NTRK2: variants seen among roughly 807,000 people sequenced by gnomAD.
NTRK2 encodes the protein BDNF/NT-3 growth factors receptor.
A neutral mutation model predicts 94.5 loss-of-function variants in NTRK2; 13 were observed. The observed-to-expected ratio is 0.14, with a 90% CI of 0.09 to 0.22. The LOEUF (loss-of-function observed/expected upper bound fraction) is 0.22, where lower values mean the gene tolerates loss of function less well. Ranked by LOEUF, NTRK2 falls within the 10% of genes least tolerant of loss-of-function variation. The pLI is 1.00. For missense variants in NTRK2, 639 were observed against 1,071.2 expected (o/e 0.60, Z 5.63); for synonymous variants, 372 against 407.4 (o/e 0.91, Z 1.05).
intron 9 of NTRK2, among the ~76,000 whole-genome samples, chr9:84,729,160 C>G (rs998359232): frequency 6.6e-6 from 1 of 152,184 alleles, no homozygotes; most frequent in Non-Finnish European, 1.5e-5. Flanking sequence ...AAACAATAAA[C>G]AAGAATGCAG....
intron 14 of NTRK2, among the ~76,000 whole-genome samples, chr9:84,905,237 C>T (rs2077036401): frequency 6.6e-6 from 1 of 151,824 alleles, no homozygotes; most frequent in Non-Finnish European, 1.5e-5. Context: ...CAAGGTGACA[C>T]TGTTACCCCA....
intron 14 of NTRK2, among the ~76,000 whole-genome samples, chr9:84,894,835 C>T (rs527592505): frequency 1.3e-5 from 2 of 152,146 alleles, no homozygotes; most frequent in Non-Finnish European, 2.9e-5. Context: ...TAAGCCTTTT[C>T]CTCTAATTAG....
intron 12 of NTRK2, among the ~76,000 whole-genome samples, chr9:84,857,232 A>C (rs1197280352): frequency 6.6e-6 from 1 of 152,128 alleles, no homozygotes; most frequent in African/African-American, 2.4e-5. Context: ...CTTCAACATG[A>C]GATGGATTTA....
At chr9:84,678,066 T>G (rs561019708) in intron 2 of NTRK2, among the ~76,000 whole-genome samples, 1 of 152,268 alleles carries the variant, frequency 6.6e-6, no homozygotes, top group South Asian at 2.1e-4. Flanking sequence ...CACACCATAA[T>G]GTTGTATGTG....
intron 14 of NTRK2, chr9:84,875,492 T>C (rs2076028759): frequency 9.4e-7 from 1 of 1,063,250 alleles, no homozygotes; most frequent in African/African-American, 1.6e-5. Context: ...AAATGCAGTT[T>C]ATTGCTCAAC....
chr9:84,715,467 C>T (rs1311118023), intron 6 of NTRK2, among the ~76,000 whole-genome samples: 2 of 152,144 alleles, frequency 1.3e-5, no homozygotes, highest in Non-Finnish European at 2.9e-5. Flanking sequence ...TAACAGTCCC[C>T]TCCTGCTGTG....
chr9:85,018,685 C>T (rs1356216761), intron 17 of NTRK2, among the ~76,000 whole-genome samples: 1 of 152,202 alleles, frequency 6.6e-6, no homozygotes, highest in Non-Finnish European at 1.5e-5. Context: ...ATATTTACTA[C>T]CCACATCCTT....
chr9:84,673,333 C>T (rs1040179039), intron 2 of NTRK2, among the ~76,000 whole-genome samples: 1 of 152,164 alleles, frequency 6.6e-6, no homozygotes, highest in Non-Finnish European at 1.5e-5. Context: ...TATTTGCTTG[C>T]ACAGCTTTTA....
chr9:85,018,299 T>C (rs997382380), intron 17 of NTRK2, among the ~76,000 whole-genome samples: 7 of 152,224 alleles, frequency 4.6e-5, no homozygotes, highest in Admixed American at 2.0e-4. Context: ...ATTCCAATTA[T>C]GGCTTCAGAG....
At chr9:84,959,692 G>A (rs964656262) in intron 17 of NTRK2, among the ~76,000 whole-genome samples, 2 of 152,188 alleles carry the variant, frequency 1.3e-5, no homozygotes, top group African/African-American at 4.8e-5. Flanking sequence ...TCTCTGAATT[G>A]TTTTAATTAG....
chr9:84,882,214 T>A, intron 14 of NTRK2, among the ~76,000 whole-genome samples: 1 of 151,484 alleles, frequency 6.6e-6, no homozygotes, highest in Non-Finnish European at 1.5e-5. Context: ...ACACACACAC[T>A]GACCCACAAT....
chr9:84,783,263 A>G (rs2067783226), intron 12 of NTRK2, among the ~76,000 whole-genome samples: 2 of 152,236 alleles, frequency 1.3e-5, no homozygotes, highest in South Asian at 4.1e-4. Flanking sequence ...ATCACAATGT[A>G]TTTTTGTATC....
intron 15 of NTRK2, among the ~76,000 whole-genome samples, chr9:84,934,620 A>G (rs2078151943): frequency 6.6e-6 from 1 of 152,174 alleles, no homozygotes; most frequent in South Asian, 2.1e-4. Context: ...CTGAAGACTC[A>G]CATGTGTCTC....
chr9:84,702,291 G>A (rs1044899831), intron 3 of NTRK2, 57 bp from the exon 4 acceptor site: 11 of 1,608,012 alleles, frequency 6.8e-6, no homozygotes, highest in South Asian at 1.1e-5. Context: ...GTCTGCTCTG[G>A]TCAGGCAGGC....
intron 14 of NTRK2, among the ~76,000 whole-genome samples, chr9:84,932,412 A>T (rs1238994163): frequency 1.3e-5 from 2 of 152,222 alleles, no homozygotes; most frequent in Non-Finnish European, 2.9e-5. Context: ...TACAATCAGG[A>T]AAGAACACAC....
At chr9:84,858,881 A>G (rs1023461505) in intron 12 of NTRK2, among the ~76,000 whole-genome samples, 2 of 152,234 alleles carry the variant, frequency 1.3e-5, no homozygotes, top group African/African-American at 2.4e-5. Flanking sequence ...AATGAAAAAA[A>G]AACCCACTAT....
intron 16 of NTRK2, among the ~76,000 whole-genome samples, chr9:84,952,974 A>T (rs1588031655): frequency 6.6e-6 from 1 of 152,216 alleles, no homozygotes; most frequent in African/African-American, 2.4e-5. Context: ...TTATTTTATT[A>T]TTTAAATGGT....
intron 15 of NTRK2, 141 bp from the exon 16 acceptor site, chr9:84,948,321 C>A: frequency 2.4e-6 from 2 of 849,608 alleles, no homozygotes; most frequent in Non-Finnish European, 3.9e-6. Context: ...AGTTATTCCT[C>A]AGTTATTAGC....
chr9:84,671,509 T>C (rs536759725), intron 2 of NTRK2, among the ~76,000 whole-genome samples: 14 of 152,348 alleles, frequency 9.2e-5, no homozygotes, highest in African/African-American at 3.1e-4. Flanking sequence ...AGAGATGGCC[T>C]TGAAAATGAT....
Sources: allele counts gnomAD v4.1 joint callset (sites outside exome capture counted in the v4.1 genomes callset), GRCh38; gene constraint gnomAD v4.1.1; transcripts MANE v1.5; gene names NCBI Gene and HGNC (gene_info 2026-07-23, HGNC 2026-07-21).